SAMD5: variants seen among roughly 807,000 people sequenced by gnomAD.
SAMD5 encodes sterile alpha motif domain containing 5.
In SAMD5, 13 loss-of-function variants were observed where a neutral mutation model predicts 11.3. The ratio of observed to expected loss-of-function variants is 1.15; its 90% CI spans 0.75 to 1.83. The LOEUF (loss-of-function observed/expected upper bound fraction) is 1.83. SAMD5 is among the 40% of genes most tolerant of loss of function. The pLI is 0.00. For missense variants in SAMD5, 255 were observed against 239.1 expected (o/e 1.07, Z -0.44); for synonymous variants, 129 against 111.3 (o/e 1.16, Z -1.00).
chr6:147,944,657 C>G, the SAMD5 span, among the ~76,000 whole-genome samples: 1 of 152,222 alleles, frequency 6.6e-6, no homozygotes, highest in Non-Finnish European at 1.5e-5. Flanking sequence ...TTAGAGATAA[C>G]TCCTTCTTTC....
intron 1 of SAMD5, among the ~76,000 whole-genome samples, chr6:147,543,531 C>A (rs1562316573): frequency 6.6e-6 from 1 of 152,130 alleles, no homozygotes; most frequent in South Asian, 2.1e-4. Context: ...TTATAATTAC[C>A]ATAATTTATA....
At chr6:147,868,305 G>A in the SAMD5 span, among the ~76,000 whole-genome samples, 11 of 152,234 alleles carry the variant, frequency 7.2e-5, no homozygotes, top group East Asian at 1.7e-3. Context: ...GTCAGGTTAC[G>A]AGACATTAAT....
Position 147,508,950 on chromosome 6 carries a change from G to T in SAMD5, c.22G>T (p.Glu8Ter). 2 of 1,599,120 alleles carry T rather than the reference G, an allele frequency of 1.3e-6. No homozygotes were observed. The highest frequency in any genetic ancestry group is 1.1e-5 in the South Asian group (1 of 88,900). The part of the protein sequence containing the change: MCTNIVY[E>*]WLKALQLPQY... Reference sequence around the variant, plus strand: ...CACCATGTGCACCAACATAGTTTACGAGTGGCTCAAAGCGCTGCAGCTTCC... The same window carrying T: ...CACCATGTGCACCAACATAGTTTACTAGTGGCTCAAAGCGCTGCAGCTTCC... Residue 8 changes from glutamate to a stop codon, truncating the protein, a stop_gained, in exon 1 of 2, where the codon GAG becomes TAG. Transcript: ENST00000367474. LOFTEE classifies it high-confidence loss of function.
At chr6:147,918,871 A>AT in the SAMD5 span, among the ~76,000 whole-genome samples, 1 of 151,568 alleles carries the variant, frequency 6.6e-6, no homozygotes, top group Non-Finnish European at 1.5e-5. Flanking sequence ...CACTCAGCTA[A>AT]TTTTTTTGTA....
At chr6:147,524,687 G>T (rs1484884267) in intron 1 of SAMD5, among the ~76,000 whole-genome samples, 1 of 151,884 alleles carries the variant, frequency 6.6e-6, no homozygotes, top group Non-Finnish European at 1.5e-5. Flanking sequence ...TTTTCCATTC[G>T]CACCTAGATT....
chr6:147,767,675 C>A, the SAMD5 span, among the ~76,000 whole-genome samples: 1 of 152,134 alleles, frequency 6.6e-6, no homozygotes, highest in African/African-American at 2.4e-5. Flanking sequence ...GGGAGAAAGC[C>A]CTCACCAGGG....
chr6:147,619,210 G>A (rs1184233031), intron 1 of SAMD5, among the ~76,000 whole-genome samples: 3 of 152,120 alleles, frequency 2.0e-5, no homozygotes, highest in African/African-American at 4.8e-5. Context: ...TTTTTTTTAA[G>A]TATGAAGCAA....
chr6:147,778,698 C>G, the SAMD5 span, among the ~76,000 whole-genome samples: 1 of 152,178 alleles, frequency 6.6e-6, no homozygotes, highest in African/African-American at 2.4e-5. Context: ...TAAACAGCCC[C>G]TGCTCCCTCC....
chr6:147,676,134 A>G (rs1216342639), intron 1 of SAMD5: 1 of 152,136 alleles, frequency 6.6e-6, no homozygotes, highest in South Asian at 2.1e-4. Flanking sequence ...ATGGACCTGG[A>G]CAGGAATAAG....
Position 147,567,234 on chromosome 6 carries a change from A to G in SAMD5, c.*2778A>G. 4.1e-6 allele frequency: 4 copies of G among 985,362 alleles called. No individual in the cohort carries two copies. The highest frequency in any genetic ancestry group is 4.8e-6 in the Non-Finnish European group (4 of 829,872). The allele number at this position is 985,362 out of a possible 1,614,324, so 61.0% of individuals were successfully genotyped here. ...TACCCAAGTGGGAGCTGAACCAGTA[A>G]TTGTGGGGAAAACTGAATTTATAGC... On this transcript the variant is annotated 3_prime_UTR_variant, in exon 2 of 2. Transcript: ENST00000367474.
chr6:147,915,809 T>A, the SAMD5 span, among the ~76,000 whole-genome samples: 4 of 152,182 alleles, frequency 2.6e-5, no homozygotes, highest in Non-Finnish European at 4.4e-5. Context: ...TGTGCAGGTT[T>A]GTTACATACG....
intron 1 of SAMD5, among the ~76,000 whole-genome samples, chr6:147,514,674 G>T (rs913375173): frequency 6.6e-6 from 1 of 152,026 alleles, no homozygotes; most frequent in Non-Finnish European, 1.5e-5. Flanking sequence ...CAAAAGGCAG[G>T]CTCTAGGGTA....
At chr6:147,697,846 G>C (rs1583143829) in intron 1 of SAMD5, among the ~76,000 whole-genome samples, 1 of 152,212 alleles carries the variant, frequency 6.6e-6, no homozygotes, top group South Asian at 2.1e-4. Flanking sequence ...CAAATGTAAG[G>C]TTCATAAGAC....
At chr6:147,709,393 A>G (rs771097753) in intron 1 of SAMD5, among the ~76,000 whole-genome samples, 2 of 152,246 alleles carry the variant, frequency 1.3e-5, no homozygotes, top group Non-Finnish European at 2.9e-5. Flanking sequence ...AAGGTCATGT[A>G]GGTGGGGGAG....
chr6:147,548,021 G>A (rs1788712449), intron 1 of SAMD5, among the ~76,000 whole-genome samples: 1 of 152,128 alleles, frequency 6.6e-6, no homozygotes, highest in Admixed American at 6.5e-5. Flanking sequence ...CTTAATTTAG[G>A]TAATGGGCAT....
chr6:147,927,086 G>A, the SAMD5 span, among the ~76,000 whole-genome samples: 1 of 152,140 alleles, frequency 6.6e-6, no homozygotes, highest in Non-Finnish European at 1.5e-5. Flanking sequence ...ATAGTTGGAA[G>A]TTGGGTAAAG....
the SAMD5 span, among the ~76,000 whole-genome samples, chr6:147,744,431 C>T: frequency 6.6e-6 from 1 of 152,148 alleles, no homozygotes; most frequent in African/African-American, 2.4e-5. Context: ...CAGAAAATTA[C>T]TCTTGAGCTA....
At chr6:147,659,711 C>T (rs1523962) in intron 1 of SAMD5, among the ~76,000 whole-genome samples, 13,547 of 152,204 alleles carry the variant, frequency 0.089, 899 homozygotes, top group East Asian at 0.26. Flanking sequence ...TAATAAGCTA[C>T]ATCAAATAAT....
chr6:147,635,904 G>A (rs1410403575), intron 1 of SAMD5, among the ~76,000 whole-genome samples: 1 of 152,218 alleles, frequency 6.6e-6, no homozygotes, highest in Non-Finnish European at 1.5e-5. Context: ...TTGAGAATCA[G>A]TGTTTGATAT....
Sources: allele counts gnomAD v4.1 joint callset (sites outside exome capture counted in the v4.1 genomes callset), GRCh38; gene constraint gnomAD v4.1.1; transcripts MANE v1.5; gene names NCBI Gene and HGNC (gene_info 2026-07-23, HGNC 2026-07-21).